CUBN: variants seen among roughly 807,000 people sequenced by gnomAD.
CUBN encodes 460 kDa receptor.
Under a neutral mutation model 405.3 loss-of-function variants are expected in CUBN, and 282 were observed. The ratio of observed to expected loss-of-function variants is 0.70; its 90% CI spans 0.63 to 0.77. The LOEUF (loss-of-function observed/expected upper bound fraction) is 0.77. CUBN is among the 30% of genes least tolerant of loss of function. The pLI, the probability that CUBN is intolerant of heterozygous loss-of-function variation, is 0.00. For missense variants in CUBN, 4,514 were observed against 4,475.2 expected (o/e 1.01, Z -0.25); for synonymous variants, 1,684 against 1,617.0 (o/e 1.04, Z -0.99).
At chr10:16,891,174 A>G (rs1840992620) in intron 54 of CUBN, among the ~76,000 whole-genome samples, 1 of 152,204 alleles carries the variant, frequency 6.6e-6, no homozygotes, top group African/African-American at 2.4e-5. Flanking sequence ...GAATGACTGA[A>G]TTTATATACT....
chr10:17,071,288 T>C (rs1185147337), intron 19 of CUBN, 138 bp downstream of exon 19: 1 of 876,222 alleles, frequency 1.1e-6, no homozygotes, highest in Non-Finnish European at 1.8e-6. Flanking sequence ...TTGCTGAGGA[T>C]TTTTACATAT....
At chr10:17,090,072 C>T (rs1485380751) in intron 14 of CUBN, among the ~76,000 whole-genome samples, 3 of 152,042 alleles carry the variant, frequency 2.0e-5, no homozygotes, top group Admixed American at 1.3e-4. Flanking sequence ...GACACGATCG[C>T]ACCCTGTCTC....
At chr10:16,919,775 A>G (rs1841981007) in intron 44 of CUBN, among the ~76,000 whole-genome samples, 188 bp downstream of exon 44, 1 of 152,190 alleles carries the variant, frequency 6.6e-6, no homozygotes, top group Non-Finnish European at 1.5e-5. Context: ...ATCCACGTAC[A>G]TAACCGGCTC....
chr10:17,116,530 G>C (rs141097188), intron 6 of CUBN, among the ~76,000 whole-genome samples: 1 of 152,162 alleles, frequency 6.6e-6, no homozygotes, highest in African/African-American at 2.4e-5. Flanking sequence ...TGGTGCCAGG[G>C]GTCAGAGACA....
In CUBN at chr10:17,047,470, T is replaced by G; in HGVS notation, c.3273A>C (p.Thr1091=). 1 of 1,614,096 alleles carries G rather than the reference T, an allele frequency of 6.2e-7. No homozygotes were observed. The highest frequency in any genetic ancestry group is 1.1e-5 in the South Asian group (1 of 91,080). Reference sequence around the variant, plus strand: ...CAATGGCTTCCTCCAAGGAGAAGTTTGTGAAGTGCACTGCAATCAGTTGGC... The same window carrying G: ...CAATGGCTTCCTCCAAGGAGAAGTTGGTGAAGTGCACTGCAATCAGTTGGC... The part of the protein sequence containing the change: ...RTGQLIAVHF[T]NFSLEEAIGN... Residue 1091 remains threonine, a synonymous_variant, in exon 23 of 67, where the codon ACA becomes ACC. Transcript: ENST00000377833.
At chr10:17,084,903 G>A (rs1293222632) in intron 16 of CUBN, among the ~76,000 whole-genome samples, 1 of 152,170 alleles carries the variant, frequency 6.6e-6, no homozygotes, top group Non-Finnish European at 1.5e-5. Flanking sequence ...AAGGGGAACA[G>A]GAGGTTGGCA....
intron 59 of CUBN, 32 bp downstream of exon 59, chr10:16,869,604 G>T: frequency 1.3e-6 from 2 of 1,481,852 alleles, no homozygotes; most frequent in Non-Finnish European, 1.9e-6. Context: ...TAACAGTCCT[G>T]ACAAATAGAT....
intron 22 of CUBN, among the ~76,000 whole-genome samples, chr10:17,048,473 C>T (rs1366040795): frequency 6.6e-6 from 1 of 151,814 alleles, no homozygotes; most frequent in Non-Finnish European, 1.5e-5. Flanking sequence ...GGTTTGAATG[C>T]TTTTGTTTTT....
chr10:17,075,750 C>A (rs1835843502), intron 17 of CUBN, among the ~76,000 whole-genome samples: 4 of 152,168 alleles, frequency 2.6e-5, no homozygotes, highest in Admixed American at 2.6e-4. Context: ...GCTCTTACAA[C>A]ATCTGTAACA....
Position 16,939,012 on chromosome 10 carries a change from A to G in CUBN, c.5684T>C (p.Leu1895Ser). The G allele has an allele frequency of 1.2e-6, 2 of 1,613,900 alleles. No individual in the cohort carries two copies. Among genetic ancestry groups the G allele is most frequent in the Non-Finnish European group, 8.5e-7 (1 of 1,179,824 alleles). Residue 1895 changes from leucine (L) to serine (S), a missense_variant, in exon 38 of 67, where the codon TTG becomes TCG. Coordinates refer to ENST00000377833, the MANE Select transcript of CUBN (RefSeq NM_001081.4). ...NASHVVHGRI[L>S]EMDIEEIQNC... Reference sequence around the variant, plus strand: ...TTGTATTTCTTCTATGTCCATCTCCAAGATTCTACCATGGACAACGTGAGA... The same window carrying G: ...TTGTATTTCTTCTATGTCCATCTCCGAGATTCTACCATGGACAACGTGAGA...
intron 17 of CUBN, among the ~76,000 whole-genome samples, chr10:17,082,184 C>G (rs1835988654): frequency 6.6e-6 from 1 of 152,040 alleles, no homozygotes; most frequent in Non-Finnish European, 1.5e-5. Flanking sequence ...TCATTTATTT[C>G]CTTGATTCTA....
At chr10:17,085,144 C>T (rs1305610720) in intron 16 of CUBN, among the ~76,000 whole-genome samples, 1 of 152,098 alleles carries the variant, frequency 6.6e-6, no homozygotes, top group African/African-American at 2.4e-5. Context: ...CAACTGAGGT[C>T]CTAACAGCTA....
chr10:16,824,152 A>G lies in CUBN; in HGVS notation c.*823T>C, dbSNP rs1838704334. 6.6e-6 allele frequency: 1 copy of G among 152,174 alleles called. No individual in the cohort carries two copies. Among genetic ancestry groups the G allele is most frequent in the Admixed American group, 6.5e-5 (1 of 15,272 alleles). The allele number at this position is 152,174 out of a possible 1,614,324, so 9.4% of individuals were successfully genotyped here. ...ACTGCAGCCTTAACCTACTGGGCTC[A>G]AGTGATCCTCCTGCTTCAACCTCCT... On this transcript the variant is annotated 3_prime_UTR_variant, in exon 67 of 67. Coordinates refer to ENST00000377833, the MANE Select transcript of CUBN (RefSeq NM_001081.4).
At chr10:16,910,421 G>A (rs987248206) in intron 48 of CUBN, among the ~76,000 whole-genome samples, 3 of 152,150 alleles carry the variant, frequency 2.0e-5, no homozygotes, top group Non-Finnish European at 2.9e-5. Context: ...TTCAAAAAAA[G>A]GAATGTGGAC....
At chr10:16,924,528 G>A (rs1191773009) in intron 43 of CUBN, among the ~76,000 whole-genome samples, 3 of 152,150 alleles carry the variant, frequency 2.0e-5, no homozygotes, top group African/African-American at 7.2e-5. Flanking sequence ...ATATGAATCT[G>A]GGATTCAAGT....
intron 3 of CUBN, among the ~76,000 whole-genome samples, chr10:17,127,264 C>CTTTTT (rs34414528): frequency 1.3e-3 from 106 of 82,770 alleles, no homozygotes; most frequent in Non-Finnish European, 1.6e-3. Context: ...CTCTCTCTTT[C>CTTTTT]TTTTTTTTTT....
chr10:17,001,604 A>G (rs1441857169), intron 28 of CUBN, among the ~76,000 whole-genome samples: 1 of 152,252 alleles, frequency 6.6e-6, no homozygotes, highest in Non-Finnish European at 1.5e-5. Flanking sequence ...ATATTTTTAA[A>G]TTACACATGT....
At chr10:16,908,872 C>CTTTTTTTTTTTTTTTTTTTTT (rs35736503) in intron 48 of CUBN, among the ~76,000 whole-genome samples, 1 of 115,418 alleles carries the variant, frequency 8.7e-6, no homozygotes. Context: ...GATGTCATCT[C>CTTTTTTTTTTTTTTTTTTTTT]TTTTTTTTTT....
chr10:16,864,394 G>C (rs548635318), intron 59 of CUBN, among the ~76,000 whole-genome samples: 124 of 152,042 alleles, frequency 8.2e-4, no homozygotes, highest in African/African-American at 2.6e-3. Context: ...AGGGTTGGGC[G>C]GGGGGCTTGA....
Sources: allele counts gnomAD v4.1 joint callset (sites outside exome capture counted in the v4.1 genomes callset), GRCh38; gene constraint gnomAD v4.1.1; transcripts MANE v1.5; gene names NCBI Gene and HGNC (gene_info 2026-07-23, HGNC 2026-07-21).